ZP3: variants seen among roughly 807,000 people sequenced by gnomAD.
ZP3 encodes the protein zona pellucida glycoprotein 3.
Under a neutral mutation model 35.6 loss-of-function variants are expected in ZP3, and 21 were observed. The observed-to-expected ratio is 0.59, with a 90% confidence interval of 0.42 to 0.85. The LOEUF (loss-of-function observed/expected upper bound fraction) is 0.85, where lower values mean the gene tolerates loss of function less well. ZP3 is among the 40% of genes least tolerant of loss of function. ZP3 has a pLI of 0.00. For missense variants in ZP3, 437 were observed against 536.5 expected, an observed-to-expected ratio of 0.81 and a Z score of 1.83; for synonymous variants, 207 against 214.5, an observed-to-expected ratio of 0.96 and a Z score of 0.31.
chr7:76,422,828 T>C (rs1805536953), upstream of ZP3, among the ~76,000 whole-genome samples: 1 of 150,988 alleles, frequency 6.6e-6, no homozygotes, highest in Non-Finnish European at 1.5e-5. Flanking sequence ...TGAAACCCCG[T>C]CTTTACTAAA....
chr7:76,406,815 C>T (rs1805050466), intron 1 of ZP3, among the ~76,000 whole-genome samples: 2 of 151,812 alleles, frequency 1.3e-5, no homozygotes, highest in Non-Finnish European at 2.9e-5. Flanking sequence ...GGCCTTTCCA[C>T]CCAAAATGGG....
intron 3 of ZP3, 27 bp downstream of exon 3, chr7:76,433,057 T>A: frequency 6.3e-7 from 1 of 1,581,172 alleles, no homozygotes; most frequent in Non-Finnish European, 8.6e-7. Flanking sequence ...GGGTGGGACA[T>A]CTGTGGAAAG....
At chr7:76,407,583 A>G (rs575510264) in intron 1 of ZP3, among the ~76,000 whole-genome samples, 1 of 152,168 alleles carries the variant, frequency 6.6e-6, no homozygotes, top group East Asian at 1.9e-4. Context: ...CTAAAAAACA[A>G]TTAGCTGGGC....
intron 1 of ZP3, among the ~76,000 whole-genome samples, chr7:76,405,271 TTATATA>T (rs1171830870): frequency 0.012 from 110 of 9,124 alleles, 1 homozygote; most frequent in Admixed American, 0.017. Flanking sequence ...ACCCAGCTAA[TTATATA>T]TATATATATA....
intron 3 of ZP3, 115 bp from the exon 4 acceptor site, chr7:76,433,355 A>T (rs1805893727): frequency 8.5e-7 from 1 of 1,175,996 alleles, no homozygotes; most frequent in African/African-American, 1.5e-5. Flanking sequence ...GGGTTTTGCC[A>T]CGTTGGCTAG....
intron 1 of ZP3, among the ~76,000 whole-genome samples, chr7:76,425,713 C>T (rs1805630911): frequency 6.6e-6 from 1 of 152,016 alleles, no homozygotes; most frequent in African/African-American, 2.4e-5. Flanking sequence ...GCCTGTAGTC[C>T]CAGCACTATG....
intron 1 of ZP3, among the ~76,000 whole-genome samples, chr7:76,405,588 GAA>G (rs1210505125): frequency 1.3e-5 from 2 of 151,558 alleles, no homozygotes; most frequent in Non-Finnish European, 2.9e-5. Flanking sequence ...GCAGGAAAAA[GAA>G]AAAAGTTCCA....
chr7:76,405,786 A>T (rs1461028284), intron 1 of ZP3, among the ~76,000 whole-genome samples: 1 of 151,958 alleles, frequency 6.6e-6, no homozygotes, highest in Non-Finnish European at 1.5e-5. Context: ...AAATGGTGGG[A>T]GAGGGGGTTG....
At chr7:76,412,498 C>T (rs1352912001) in intron 1 of ZP3, among the ~76,000 whole-genome samples, 1 of 152,122 alleles carries the variant, frequency 6.6e-6, no homozygotes, top group Non-Finnish European at 1.5e-5. Flanking sequence ...AATAACAGAA[C>T]TATACACACA....
intron 1 of ZP3, among the ~76,000 whole-genome samples, chr7:76,416,156 C>T (rs1277092108): frequency 1.3e-5 from 2 of 149,250 alleles, no homozygotes; most frequent in African/African-American, 2.5e-5. Flanking sequence ...AGACTGGGTG[C>T]AGTGGCTCAG....
intron 1 of ZP3, among the ~76,000 whole-genome samples, chr7:76,406,705 G>C (rs569840813): frequency 6.6e-6 from 1 of 151,258 alleles, no homozygotes; most frequent in South Asian, 2.1e-4. Flanking sequence ...GTGTTACTCA[G>C]GCTGGTCTCA....
rs1271510975 is a variant in ZP3, at chr7:76,405,339, C to CTTTCTTTCTT, written c.-67+7545_-67+7546insCTTTCTTTTT. On this transcript the variant is annotated intron_variant, in intron 1 of 8. Coordinates refer to the ZP3 transcript ENST00000336517. ...TATGTATTTTTTTCTTTCTTTCTTTCTTTTTTTTTTTTTTTTTTTTTTGGT... is the reference window on the plus strand; with the variant it reads ...TATGTATTTTTTTCTTTCTTTCTTTCTTTCTTTCTTTTTTTTTTTTTTTTTTTTTTTTGGT... Among the ~76,000 whole-genome samples the CTTTCTTTCTT allele has an allele frequency of 9.8e-4, 21 of 21,384 alleles. 2 individuals are homozygous for CTTTCTTTCTT. The East Asian group carries it at 9.9e-3, about 10-fold the overall frequency. 14.0% of individuals were successfully genotyped at this position (21,384 alleles called of 152,430 possible). A position where few individuals can be genotyped will look rare whatever the true frequency, so the allele number is the denominator to read the frequency against.
At chr7:76,400,836 G>A (rs947065544) in intron 1 of ZP3, among the ~76,000 whole-genome samples, 1 of 152,118 alleles carries the variant, frequency 6.6e-6, no homozygotes, top group Non-Finnish European at 1.5e-5. Flanking sequence ...TGAAGCCATG[G>A]GAACCTTGGG....
At chr7:76,421,931 C>T (rs1805512832), upstream of ZP3, among the ~76,000 whole-genome samples, 1 of 151,566 alleles carries the variant, frequency 6.6e-6, no homozygotes, top group Non-Finnish European at 1.5e-5. Flanking sequence ...GAGTGTTGCT[C>T]TGTTACCCAG....
intron 1 of ZP3, among the ~76,000 whole-genome samples, chr7:76,405,339 C>CTTTCTTT (rs1271510975): frequency 1.9e-3 from 40 of 21,386 alleles, no homozygotes; most frequent in African/African-American, 3.8e-3. Flanking sequence ...TTCTTTCTTT[C>CTTTCTTT]TTTTTTTTTT....
chr7:76,434,809 G>A (rs1486724826), intron 5 of ZP3, among the ~76,000 whole-genome samples: 1 of 149,956 alleles, frequency 6.7e-6, no homozygotes, highest in Non-Finnish European at 1.5e-5. Context: ...TGATGACTGG[G>A]CCCCAACCCA....
chr7:76,400,332 GCCCCAGCC>G, intron 1 of ZP3: 4 of 1,501,986 alleles, frequency 2.7e-6, no homozygotes, highest in Admixed American at 4.4e-5. Context: ...AATTGTGGAC[GCCCCAGCC>G]GCGGCTGCCG....
At position 76,400,567 on chromosome 7, in the gene ZP3, C is replaced by T. The variant is rs1244716092; in HGVS notation, c.-67+2770C>T. Reference sequence around the variant, plus strand: ...GACTTCCAGGCGGCCCCGGCAGCGGCTGGGGCCCCCCACCAGCCTCAGCTC... The same window carrying T: ...GACTTCCAGGCGGCCCCGGCAGCGGTTGGGGCCCCCCACCAGCCTCAGCTC... On this transcript the variant is annotated intron_variant, in intron 1 of 8. Coordinates refer to the ZP3 transcript ENST00000336517. The T allele has an allele frequency of 2.7e-6, 4 of 1,488,590 alleles. No individual in the cohort carries two copies. The African/African-American group carries it at 5.7e-5, about 21-fold the overall frequency. 92.2% of individuals were successfully genotyped at this position (1,488,590 alleles called of 1,614,324 possible). A position where few individuals can be genotyped will look rare whatever the true frequency, so the allele number is the denominator to read the frequency against.
chr7:76,419,083 G>A (rs1198686304), intron 1 of ZP3, among the ~76,000 whole-genome samples: 1 of 152,090 alleles, frequency 6.6e-6, no homozygotes, highest in Non-Finnish European at 1.5e-5. Flanking sequence ...TGCCTTCCTA[G>A]ATGAGTGTCA....
Sources: allele counts gnomAD v4.1 joint callset (sites outside exome capture counted in the v4.1 genomes callset), GRCh38; gene constraint gnomAD v4.1.1; transcripts MANE v1.5; gene names NCBI Gene and HGNC (gene_info 2026-07-23, HGNC 2026-07-21).